The following GDA variants were observed in gnomAD, a reference collection of about 807,000 sequenced individuals.
GDA encodes the protein guanine deaminase, also known as cytoplasmic PSD-95 interactor.
A neutral mutation model predicts 59.6 loss-of-function variants in GDA; 18 were observed. That is an observed-to-expected ratio of 0.30 (90% CI 0.21 to 0.45). The LOEUF is 0.45. Among genes scored for constraint, GDA ranks in the 20% least tolerant of loss-of-function variants. The pLI is 1.00. For missense variants in GDA, 427 were observed against 552.3 expected (o/e 0.77, Z 2.27); for synonymous variants, 201 against 201.1 (o/e 1.00, Z 0.00).
chr9:72,247,556 A>G, intron 13 of GDA, 123 bp downstream of exon 13: 1 of 634,344 alleles, frequency 1.6e-6, no homozygotes, highest in South Asian at 2.0e-5. Flanking sequence ...ATTTGCTTTG[A>G]TTCATTATTT....
chr9:72,166,544 CAT>C (rs1829333957), intron 1 of GDA, among the ~76,000 whole-genome samples: 1 of 151,984 alleles, frequency 6.6e-6, no homozygotes, highest in South Asian at 2.1e-4. Flanking sequence ...GTTCCCAACA[CAT>C]AGAAATAATA....
At chr9:72,248,232 C>G in intron 13 of GDA, 40 bp from the exon 14 acceptor site, 1 of 1,385,368 alleles carries the variant, frequency 7.2e-7, no homozygotes, top group Non-Finnish European at 1.0e-6. Flanking sequence ...CTTATTGACA[C>G]AAAAGGATTT....
At position 72,161,723 on chromosome 9, in the gene GDA, A is replaced by G. The variant is rs1406688485; in HGVS notation, c.123+12041A>G. ...AATGTTGCTTGTAAATGCCACTTAC[A>G]ATTTACAGTCCTGGAACATGGTAGA... On this transcript the variant is annotated intron_variant, in intron 1 of 13. Transcript: ENST00000358399. Among the ~76,000 whole-genome samples the G allele has an allele frequency of 2.0e-5, 3 of 152,340 alleles. No individual in the cohort carries two copies. The East Asian group carries it at 5.8e-4, about 29-fold the overall frequency.
At chr9:72,199,098 T>C (rs1833608826) in intron 2 of GDA, among the ~76,000 whole-genome samples, 2 of 152,124 alleles carry the variant, frequency 1.3e-5, no homozygotes, top group African/African-American at 4.8e-5. Context: ...ATAAGTGATG[T>C]TGTGAGTGGA....
chr9:72,214,251 ATCTG>A (rs1564085077), intron 5 of GDA, among the ~76,000 whole-genome samples: 3 of 151,938 alleles, frequency 2.0e-5, no homozygotes, highest in Non-Finnish European at 2.9e-5. Context: ...TCCATGAAGC[ATCTG>A]TCTTTTTATT....
At chr9:72,234,535 A>C (rs954263404) in intron 10 of GDA, among the ~76,000 whole-genome samples, 10 of 152,308 alleles carry the variant, frequency 6.6e-5, no homozygotes, top group African/African-American at 1.9e-4. Flanking sequence ...AAGATGATAG[A>C]AGGTGTTTGA....
intron 1 of GDA, among the ~76,000 whole-genome samples, chr9:72,127,070 C>T (rs993066429): frequency 4.0e-5 from 6 of 151,714 alleles, no homozygotes; most frequent in African/African-American, 1.5e-4. Context: ...CTATCTGGCT[C>T]AAAATTATTG....
At position 72,248,254 on chromosome 9, in the gene GDA, C is replaced by A. The variant is rs943672688; in HGVS notation, c.1295-18C>A. On this transcript the variant is annotated intron_variant, in intron 13 of 13. Transcript: ENST00000358399. Reference sequence around the variant, plus strand: ...ACACAAAAGGATTTTATACATGATTCCTTGATTTTTCTTTCAGGAGATGAT... The same window carrying A: ...ACACAAAAGGATTTTATACATGATTACTTGATTTTTCTTTCAGGAGATGAT... 1 of 1,550,906 alleles carries A rather than the reference C, an allele frequency of 6.4e-7. No individual in the cohort carries two copies. Among genetic ancestry groups the A allele is most frequent in the Non-Finnish European group, 8.9e-7 (1 of 1,122,576 alleles).
chr9:72,142,762 A>C (rs1261606483), intron 1 of GDA, among the ~76,000 whole-genome samples: 2 of 151,916 alleles, frequency 1.3e-5, no homozygotes, highest in Admixed American at 1.3e-4. Flanking sequence ...AATACCTTTT[A>C]TTTTATTTAT....
intron 1 of GDA, among the ~76,000 whole-genome samples, chr9:72,138,050 A>G (rs1382331807): frequency 6.6e-6 from 1 of 151,864 alleles, no homozygotes; most frequent in Non-Finnish European, 1.5e-5. Context: ...TATGGGAGGG[A>G]GAGTTGTGTA....
intron 1 of GDA, among the ~76,000 whole-genome samples, chr9:72,135,061 C>G (rs1301721928): frequency 6.6e-6 from 1 of 152,176 alleles, no homozygotes; most frequent in Non-Finnish European, 1.5e-5. Flanking sequence ...ACAATGTTAG[C>G]CAAATATAGC....
chr9:72,166,914 G>A (rs965327474), intron 1 of GDA, among the ~76,000 whole-genome samples: 1 of 152,050 alleles, frequency 6.6e-6, no homozygotes, highest in Non-Finnish European at 1.5e-5. Flanking sequence ...ACATATCATT[G>A]TGCATTGTTC....
intron 13 of GDA, among the ~76,000 whole-genome samples, chr9:72,247,818 T>TGA (rs1199060570): frequency 6.6e-6 from 1 of 152,066 alleles, no homozygotes; most frequent in South Asian, 2.1e-4. Flanking sequence ...TTCCATTCAC[T>TGA]GAGAGAGAGA....
chr9:72,123,069 T>C (rs1048067235), intron 1 of GDA, among the ~76,000 whole-genome samples: 1 of 152,184 alleles, frequency 6.6e-6, no homozygotes, highest in Admixed American at 6.6e-5. Context: ...TTTTTAGAAG[T>C]TCTCTTTTGT....
intron 1 of GDA, among the ~76,000 whole-genome samples, chr9:72,120,485 C>T (rs1825623343): frequency 6.6e-6 from 1 of 152,202 alleles, no homozygotes; most frequent in Admixed American, 6.5e-5. Flanking sequence ...TGAGCCACTG[C>T]ACCTGTCCAC....
intron 1 of GDA, among the ~76,000 whole-genome samples, chr9:72,151,707 A>T (rs1827227802): frequency 6.6e-6 from 1 of 151,260 alleles, no homozygotes; most frequent in African/African-American, 2.4e-5. Flanking sequence ...TCCCGGGTTC[A>T]TGCCATTCTC....
At chr9:72,202,463 C>T in intron 2 of GDA, 108 bp from the exon 3 acceptor site, 1 of 702,976 alleles carries the variant, frequency 1.4e-6, no homozygotes, top group Non-Finnish European at 2.4e-6. Context: ...TACCTATAAA[C>T]CTGTGTGGGT....
chr9:72,167,001 C>G (rs145298211), intron 1 of GDA, among the ~76,000 whole-genome samples: 284 of 152,308 alleles, frequency 1.9e-3, no homozygotes, highest in African/African-American at 6.6e-3. Context: ...GATTTTGAAA[C>G]TGACCCAATA....
chr9:72,242,703 C>G (rs1286253665), intron 11 of GDA, among the ~76,000 whole-genome samples: 2 of 151,966 alleles, frequency 1.3e-5, no homozygotes, highest in Non-Finnish European at 2.9e-5. Context: ...TTGTGATTTC[C>G]CAAAGTATTA....
Sources: allele counts gnomAD v4.1 joint callset (sites outside exome capture counted in the v4.1 genomes callset), GRCh38; gene constraint gnomAD v4.1.1; transcripts MANE v1.5; gene names NCBI Gene and HGNC (gene_info 2026-07-23, HGNC 2026-07-21).